PARM1: variants seen among roughly 807,000 people sequenced by gnomAD.
PARM1 encodes WSC4, cell wall integrity and stress response component 4 homolog.
In PARM1, 14 loss-of-function variants were observed where a neutral mutation model predicts 24.6. The observed-to-expected ratio is 0.57, with a 90% confidence interval of 0.38 to 0.89. The LOEUF is 0.89. PARM1 is among the 40% of genes least tolerant of loss of function. The pLI is 0.00. For synonymous variants in PARM1, 179 were observed against 156.6 expected (o/e 1.14, Z -1.07); for missense variants, 362 against 380.4 (o/e 0.95, Z 0.40).
intron 1 of PARM1, among the ~76,000 whole-genome samples, chr4:74,980,464 G>T (rs572819697): frequency 1.3e-5 from 2 of 151,800 alleles, no homozygotes; most frequent in Non-Finnish European, 2.9e-5. Flanking sequence ...AGGAAATTAG[G>T]ACACAAACAA....
intron 2 of PARM1, among the ~76,000 whole-genome samples, chr4:75,027,469 G>T (rs867949831): frequency 6.6e-6 from 1 of 151,974 alleles, no homozygotes; most frequent in South Asian, 2.1e-4. Context: ...TTCCAATAAT[G>T]GTAAAATTAA....
At chr4:74,977,372 C>T (rs976460520) in intron 1 of PARM1, among the ~76,000 whole-genome samples, 14 of 152,066 alleles carry the variant, frequency 9.2e-5, no homozygotes, top group African/African-American at 3.4e-4. Flanking sequence ...TGCTTGAAGA[C>T]TATCTTCTGA....
intron 2 of PARM1, among the ~76,000 whole-genome samples, chr4:75,027,086 C>G (rs1460841317): frequency 6.6e-6 from 1 of 152,156 alleles, no homozygotes; most frequent in African/African-American, 2.4e-5. Flanking sequence ...CAAGACTGCT[C>G]CAGACTTTAC....
At chr4:74,992,906 GA>G (rs1243554325) in intron 1 of PARM1, among the ~76,000 whole-genome samples, 6 of 152,138 alleles carry the variant, frequency 3.9e-5, no homozygotes, top group African/African-American at 1.4e-4. Flanking sequence ...AAGTGCTCCA[GA>G]AAGTATCTTT....
chr4:74,978,414 A>G (rs952444853), intron 1 of PARM1, among the ~76,000 whole-genome samples: 4 of 152,232 alleles, frequency 2.6e-5, no homozygotes, highest in African/African-American at 7.2e-5. Flanking sequence ...AGAGCTAACT[A>G]TCCTAAATAT....
At chr4:75,011,390 A>G (rs1578049607) in intron 1 of PARM1, among the ~76,000 whole-genome samples, 2 of 152,114 alleles carry the variant, frequency 1.3e-5, no homozygotes, top group East Asian at 3.9e-4. Flanking sequence ...ATGAAGGGTG[A>G]CATCTTGGTT....
intron 1 of PARM1, among the ~76,000 whole-genome samples, chr4:74,971,077 C>T (rs1259411333): frequency 1.3e-5 from 2 of 152,188 alleles, no homozygotes; most frequent in African/African-American, 4.8e-5. Context: ...GATACCCCTT[C>T]TAAGACACTG....
intron 1 of PARM1, chr4:74,997,888 A>T (rs1050589967): frequency 6.6e-6 from 1 of 152,242 alleles, no homozygotes; most frequent in East Asian, 1.9e-4. Flanking sequence ...CGACGCATAT[A>T]GATTTATTCT....
chr4:75,015,292 C>T (rs921077036), intron 2 of PARM1, among the ~76,000 whole-genome samples: 1 of 152,208 alleles, frequency 6.6e-6, no homozygotes, highest in Non-Finnish European at 1.5e-5. Flanking sequence ...TTCCTCAACT[C>T]TAGGCCAGCA....
chr4:75,000,251 T>C (rs1223376922), intron 1 of PARM1, among the ~76,000 whole-genome samples: 1 of 152,230 alleles, frequency 6.6e-6, no homozygotes, highest in Non-Finnish European at 1.5e-5. Context: ...CTCATATTGA[T>C]TGAGCTCTTT....
intron 1 of PARM1, among the ~76,000 whole-genome samples, chr4:74,955,308 C>T (rs964148646): frequency 7.9e-5 from 12 of 151,474 alleles, no homozygotes; most frequent in African/African-American, 2.7e-4. Flanking sequence ...CTCCAGTTGT[C>T]ATCTGTTAAA....
At position 75,036,317 on chromosome 4, in the gene PARM1, G is replaced by A. The variant is rs529872797; in HGVS notation, c.848+2356G>A. On this transcript the variant is annotated intron_variant, in intron 3 of 3. Coordinates refer to ENST00000307428, the MANE Select transcript of PARM1 (RefSeq NM_015393.4). ...CACCTCTAAACCCACACTGGCTATA[G>A]GCAGGCAGTCTAAAATAGTGATTAA... Among the ~76,000 whole-genome samples the A allele has an allele frequency of 3.9e-5, 6 of 152,286 alleles. No individual in the cohort carries two copies. In the South Asian group the frequency reaches 1.2e-3, roughly 32 times the overall value.
rs1722887612 is a variant in PARM1, at chr4:75,012,454, G to C, written c.73G>C (p.Ala25Pro). ...GAGGGTACAGAGTCTGCCTACATCA[G>C]CTCCTTTGTCTGTTTCTCTTCCGAC... ...GWRVQSLPTS[A>P]PLSVSLPTNI... Residue 25 changes from alanine (A) to proline (P), a missense_variant, in exon 2 of 4, where the codon GCT (alanine) becomes CCT (proline). Ala to Pro is a conservative substitution (Grantham distance 27). Coordinates refer to ENST00000307428, the MANE Select transcript of PARM1 (RefSeq NM_015393.4). 1.2e-6 allele frequency: 2 copies of C among 1,613,918 alleles called. No individual in the cohort carries two copies. Among genetic ancestry groups the C allele is most frequent in the African/African-American group, 2.7e-5 (2 of 75,008 alleles).
intron 1 of PARM1, among the ~76,000 whole-genome samples, chr4:74,979,829 C>T (rs187376766): frequency 9.1e-4 from 138 of 152,192 alleles, no homozygotes; most frequent in Non-Finnish European, 1.5e-3. Context: ...AATCGATAAA[C>T]GTTAAGTCAT....
intron 2 of PARM1, among the ~76,000 whole-genome samples, chr4:75,029,244 C>G (rs1723235051): frequency 2.0e-5 from 3 of 152,292 alleles, no homozygotes; most frequent in South Asian, 4.2e-4. Flanking sequence ...GGTTGTAGAG[C>G]AGTGGAGTAG....
intron 1 of PARM1, chr4:74,965,082 C>G (rs967623782): frequency 6.6e-6 from 1 of 152,172 alleles, no homozygotes; most frequent in African/African-American, 2.4e-5. Context: ...ATTCCACCCC[C>G]TAGATTCCAG....
At chr4:74,936,422 G>C (rs987484178) in intron 1 of PARM1, among the ~76,000 whole-genome samples, 17 of 149,108 alleles carry the variant, frequency 1.1e-4, no homozygotes, top group African/African-American at 3.7e-4. Flanking sequence ...TGCCACCATG[G>C]TTGTTACATT....
At chr4:75,043,299 T>G (rs755345724) in intron 3 of PARM1, among the ~76,000 whole-genome samples, 1 of 152,206 alleles carries the variant, frequency 6.6e-6, no homozygotes, top group African/African-American at 2.4e-5. Context: ...TGTATAAGAT[T>G]TATTATATTA....
intron 1 of PARM1, among the ~76,000 whole-genome samples, chr4:74,948,664 T>C (rs1389034102): frequency 6.6e-6 from 1 of 152,202 alleles, no homozygotes; most frequent in Non-Finnish European, 1.5e-5. Flanking sequence ...ACAGGAGAGA[T>C]GACAGGGTCC....
Sources: gnomAD v4.1 joint callset for allele counts (sites outside exome capture counted in the v4.1 genomes callset) on GRCh38, gnomAD v4.1.1 for gene constraint, MANE v1.5 for transcripts, NCBI Gene and HGNC (gene_info 2026-07-23, HGNC 2026-07-21) for gene names.